AKAP6: variants seen among roughly 807,000 people sequenced by gnomAD.
AKAP6 encodes the protein A-kinase anchor protein 6.
AKAP6 carries 58 observed loss-of-function variants against 188.5 expected under a neutral mutation model. The ratio of observed to expected loss-of-function variants is 0.31; its 90% CI spans 0.25 to 0.38. The LOEUF (loss-of-function observed/expected upper bound fraction) is 0.38, where lower values mean the gene tolerates loss of function less well. Among genes scored for constraint, AKAP6 ranks in the 10% least tolerant of loss-of-function variants. The pLI, the probability that AKAP6 is intolerant of heterozygous loss-of-function variation, is 1.00. For missense variants in AKAP6, 2,710 were observed against 2,740.0 expected (o/e 0.99, Z 0.24); for synonymous variants, 989 against 998.6 (o/e 0.99, Z 0.18).
intron 4 of AKAP6, among the ~76,000 whole-genome samples, chr14:32,569,200 C>T (rs1299131619): frequency 6.6e-6 from 1 of 152,126 alleles, no homozygotes; most frequent in African/African-American, 2.4e-5. Flanking sequence ...TCTTTCTTTC[C>T]CACTGACAGT....
chr14:32,637,483 A>G (rs1041788571), intron 7 of AKAP6, among the ~76,000 whole-genome samples: 1 of 152,090 alleles, frequency 6.6e-6, no homozygotes, highest in Admixed American at 6.6e-5. Flanking sequence ...CCAAAGGGAG[A>G]TGTTTGATAA....
intron 7 of AKAP6, among the ~76,000 whole-genome samples, chr14:32,653,482 A>G (rs1022194251): frequency 6.6e-6 from 1 of 152,042 alleles, no homozygotes; most frequent in Non-Finnish European, 1.5e-5. Context: ...TTGCTCCTGC[A>G]TTCTCCATGT....
Position 32,735,757 on chromosome 14 carries a change from C to T in AKAP6, c.3247C>T (p.Leu1083=), listed in dbSNP as rs754346561. The T allele has an allele frequency of 1.9e-6, 3 of 1,613,332 alleles. No homozygotes were observed. Among genetic ancestry groups the T allele is most frequent in the South Asian group, 1.1e-5 (1 of 91,066 alleles). The change falls in exon 11 of 14, where the codon CTG becomes TTG. Residue 1083 remains leucine, a synonymous_variant. Coordinates refer to ENST00000280979, the MANE Select transcript of AKAP6 (RefSeq NM_004274.5). Reference sequence around the variant, plus strand: ...TGAAAGTGGAAGCCTGGTAAGGCAGCTGGAGGTCAGGATCAAAGAACTGAA... The same window carrying T: ...TGAAAGTGGAAGCCTGGTAAGGCAGTTGGAGGTCAGGATCAAAGAACTGAA... ...SPESGSLVRQ[L]EVRIKELKGW...
chr14:32,387,830 T>C (rs982935042), intron 1 of AKAP6, among the ~76,000 whole-genome samples: 2 of 151,292 alleles, frequency 1.3e-5, no homozygotes, highest in African/African-American at 4.8e-5. Context: ...TGTCTTTTCC[T>C]GGTTTTGGTA....
At chr14:32,744,691 G>A (rs534346124) in intron 11 of AKAP6, among the ~76,000 whole-genome samples, 1 of 152,180 alleles carries the variant, frequency 6.6e-6, no homozygotes, top group African/African-American at 2.4e-5. Flanking sequence ...TTATCCCTTT[G>A]AATGAACTTT....
intron 2 of AKAP6, among the ~76,000 whole-genome samples, chr14:32,470,494 G>A (rs1878716321): frequency 6.6e-6 from 1 of 152,162 alleles, no homozygotes; most frequent in Non-Finnish European, 1.5e-5. Flanking sequence ...TGTCGTTAGG[G>A]CTCACATCAG....
intron 2 of AKAP6, among the ~76,000 whole-genome samples, chr14:32,434,144 C>T (rs887911711): frequency 6.6e-6 from 1 of 152,068 alleles, no homozygotes; most frequent in Non-Finnish European, 1.5e-5. Context: ...TAATAAAAGA[C>T]TCTTATAGGT....
chr14:32,678,135 T>A (rs1285745857), intron 7 of AKAP6, among the ~76,000 whole-genome samples, 176 bp from the exon 8 acceptor site: 1 of 152,232 alleles, frequency 6.6e-6, no homozygotes, highest in African/African-American at 2.4e-5. Flanking sequence ...GAGGAACTTA[T>A]AAGATTCAGA....
chr14:32,745,164 T>C (rs1057511443), intron 11 of AKAP6, among the ~76,000 whole-genome samples: 1 of 152,166 alleles, frequency 6.6e-6, no homozygotes, highest in African/African-American at 2.4e-5. Flanking sequence ...TTCTAGTAGA[T>C]GTTCTTCGGT....
intron 5 of AKAP6, among the ~76,000 whole-genome samples, chr14:32,586,825 A>C (rs555768910): frequency 3.1e-4 from 47 of 152,344 alleles, no homozygotes; most frequent in African/African-American, 9.1e-4. Context: ...TTTTTCTATT[A>C]CAAATGATGC....
At chr14:32,362,968 T>C (rs1452047083) in intron 1 of AKAP6, among the ~76,000 whole-genome samples, 1 of 152,060 alleles carries the variant, frequency 6.6e-6, no homozygotes, top group Non-Finnish European at 1.5e-5. Context: ...AAGACTTTGA[T>C]CAAAGTAGGA....
At chr14:32,343,613 T>C (rs1020991774) in intron 1 of AKAP6, among the ~76,000 whole-genome samples, 2 of 151,640 alleles carry the variant, frequency 1.3e-5, no homozygotes, top group East Asian at 1.9e-4. Context: ...CCAGGCATGA[T>C]GGCAGGCGCC....
intron 1 of AKAP6, among the ~76,000 whole-genome samples, chr14:32,394,708 TG>T (rs1227733307): frequency 1.1e-4 from 16 of 152,208 alleles, no homozygotes; most frequent in African/African-American, 3.9e-4. Flanking sequence ...CTGTTTTTAC[TG>T]GGGTGACCTT....
intron 7 of AKAP6, among the ~76,000 whole-genome samples, chr14:32,650,916 T>C (rs991395086): frequency 3.3e-5 from 5 of 152,236 alleles, no homozygotes; most frequent in Non-Finnish European, 7.3e-5. Flanking sequence ...TTTATAAATG[T>C]CCTTGTGACT....
intron 1 of AKAP6, among the ~76,000 whole-genome samples, chr14:32,407,559 A>C (rs573647016): frequency 6.6e-6 from 1 of 152,324 alleles, no homozygotes; most frequent in Non-Finnish European, 1.5e-5. Flanking sequence ...CAGAGCTCCT[A>C]AAACTGATAT....
intron 2 of AKAP6, among the ~76,000 whole-genome samples, chr14:32,508,052 A>T (rs1165137865): frequency 1.3e-5 from 2 of 152,172 alleles, no homozygotes. Context: ...ATTATCTGTG[A>T]TGTGAAATGA....
intron 1 of AKAP6, among the ~76,000 whole-genome samples, chr14:32,351,650 G>A (rs917129830): frequency 6.6e-6 from 1 of 151,954 alleles, no homozygotes; most frequent in African/African-American, 2.4e-5. Context: ...GAAAAGAAAT[G>A]TATTAATCTT....
chr14:32,796,612 A>G (rs1357229874), intron 12 of AKAP6, among the ~76,000 whole-genome samples: 1 of 152,230 alleles, frequency 6.6e-6, no homozygotes, highest in African/African-American at 2.4e-5. Context: ...TCTTTTTTAT[A>G]CCATCTACAA....
At chr14:32,488,716 T>C (rs1879834122) in intron 2 of AKAP6, among the ~76,000 whole-genome samples, 1 of 152,144 alleles carries the variant, frequency 6.6e-6, no homozygotes, top group Non-Finnish European at 1.5e-5. Flanking sequence ...GGGAAAAGCA[T>C]AGTATCTGGA....
Sources: gnomAD v4.1 joint callset for allele counts (sites outside exome capture counted in the v4.1 genomes callset) on GRCh38, gnomAD v4.1.1 for gene constraint, MANE v1.5 for transcripts, NCBI Gene and HGNC (gene_info 2026-07-23, HGNC 2026-07-21) for gene names.